PRUNE2: variants seen among roughly 807,000 people sequenced by gnomAD.
PRUNE2 encodes the protein prune homolog 2 with BCH domain.
PRUNE2 carries 164 observed loss-of-function variants against 252.0 expected under a neutral mutation model. The ratio of observed to expected loss-of-function variants is 0.65; its 90% CI spans 0.57 to 0.74. The LOEUF (loss-of-function observed/expected upper bound fraction) is 0.74, where lower values mean the gene tolerates loss of function less well. Ranked by LOEUF, PRUNE2 falls within the 30% of genes least tolerant of loss-of-function variation. The probability of loss-of-function intolerance (pLI) is 0.00; values close to 1 mark genes in which losing one functional copy is unlikely to be tolerated. For missense variants in PRUNE2, 3,495 were observed against 3,711.0 expected (o/e 0.94, Z 1.51); for synonymous variants, 1,292 against 1,350.2 (o/e 0.96, Z 0.94).
intron 1 of PRUNE2, among the ~76,000 whole-genome samples, chr9:76,859,978 A>G (rs1389999952): frequency 6.6e-6 from 1 of 152,146 alleles, no homozygotes; most frequent in African/African-American, 2.4e-5. Flanking sequence ...TGGGATTACA[A>G]GCATGAGCCA....
intron 6 of PRUNE2, among the ~76,000 whole-genome samples, chr9:76,722,362 G>A (rs1017395440): frequency 6.6e-6 from 1 of 151,526 alleles, no homozygotes; most frequent in Non-Finnish European, 1.5e-5. Context: ...GAGCCACCGC[G>A]CCCAGCCTAC....
At chr9:76,890,007 C>T (rs891385493) in intron 1 of PRUNE2, among the ~76,000 whole-genome samples, 3 of 152,230 alleles carry the variant, frequency 2.0e-5, no homozygotes, top group Non-Finnish European at 4.4e-5. Flanking sequence ...TTAAAGAGCG[C>T]TGCCGGAATG....
chr9:76,696,952 C>A (rs953251901), intron 9 of PRUNE2, among the ~76,000 whole-genome samples: 3 of 152,246 alleles, frequency 2.0e-5, no homozygotes, highest in African/African-American at 7.2e-5. Context: ...ACGCACTATT[C>A]CTTGTGAGTT....
chr9:76,726,967 G>T (rs2048154483), intron 6 of PRUNE2, among the ~76,000 whole-genome samples: 1 of 152,180 alleles, frequency 6.6e-6, no homozygotes, highest in Non-Finnish European at 1.5e-5. Flanking sequence ...TTATAGAAGG[G>T]CTCTAAGCAA....
chr9:76,707,905 A>T lies in PRUNE2; in HGVS notation c.4369T>A (p.Ser1457Thr). 6.2e-7 allele frequency: 1 copy of T among 1,613,814 alleles called. No individual in the cohort carries two copies. The highest frequency in any genetic ancestry group is 8.5e-7 in the Non-Finnish European group (1 of 1,179,822). ...TTCTCAAGATCCTTTTCAGGTACAG[A>T]TACATATTTTGTGAAATTCATCCCA... ...SDGMNFTKYV[S>T]VPEKDLEKTE... is the part of the protein sequence containing the mutation. The change falls in exon 8 of 19, where the codon TCT becomes ACT. Residue 1457 changes from serine (S) to threonine (T), a missense_variant. Transcript: ENST00000376718.
chr9:76,778,767 C>A (rs2054066415), intron 6 of PRUNE2: 1 of 152,080 alleles, frequency 6.6e-6, no homozygotes, highest in Admixed American at 6.5e-5. Context: ...AGAACAATGC[C>A]CAGATTAGTA....
intron 4 of PRUNE2, among the ~76,000 whole-genome samples, chr9:76,831,767 T>C (rs2058688481): frequency 6.6e-6 from 1 of 152,124 alleles, no homozygotes; most frequent in Non-Finnish European, 1.5e-5. Flanking sequence ...TTAAACCAGA[T>C]GTAACAGCAA....
chr9:76,637,425 C>G lies in PRUNE2; in HGVS notation c.8956G>C (p.Asp2986His). 1 of 1,613,592 alleles carries G rather than the reference C, an allele frequency of 6.2e-7. No homozygotes were observed. Among genetic ancestry groups the G allele is most frequent in the East Asian group, 2.2e-5 (1 of 44,834 alleles). Reference sequence around the variant, plus strand: ...ATAATAGAGCCCACATACCGTCTGTCAATCATCTGGTAGCATTTCTTCATC... The same window carrying G: ...ATAATAGAGCCCACATACCGTCTGTGAATCATCTGGTAGCATTTCTTCATC... ...GWMKKCYQMI[D>H]RRLRKNLKSF... The change falls in exon 14 of 19, where the codon GAC becomes CAC. Residue 2986 changes from aspartate to histidine, a missense_variant. By Grantham distance (81) the Asp-to-His change is moderately conservative. Coordinates refer to ENST00000376718, the MANE Select transcript of PRUNE2 (RefSeq NM_015225.3).
intron 3 of PRUNE2, among the ~76,000 whole-genome samples, chr9:76,847,670 CTTTTAG>C (rs2059742104): frequency 6.6e-6 from 1 of 152,062 alleles, no homozygotes; most frequent in Admixed American, 6.6e-5. Flanking sequence ...ACAGAGCTGG[CTTTTAG>C]CAAAGGCAGG....
intron 12 of PRUNE2, among the ~76,000 whole-genome samples, chr9:76,643,019 C>A (rs1843218833): frequency 6.6e-6 from 1 of 152,136 alleles, no homozygotes; most frequent in South Asian, 2.1e-4. Context: ...GAGGAGGTGG[C>A]AGGGACGGAG....
intron 1 of PRUNE2, among the ~76,000 whole-genome samples, chr9:76,877,465 C>T (rs2061538314): frequency 6.6e-6 from 1 of 151,936 alleles, no homozygotes; most frequent in Non-Finnish European, 1.5e-5. Flanking sequence ...TTGACTCCAG[C>T]CTGGGTGACA....
chr9:76,760,481 A>C (rs1040667440), intron 6 of PRUNE2, among the ~76,000 whole-genome samples: 3 of 152,114 alleles, frequency 2.0e-5, no homozygotes, highest in African/African-American at 7.2e-5. Flanking sequence ...TAATAATTCC[A>C]GGTCACATGC....
At chr9:76,803,463 T>C (rs889128330) in intron 6 of PRUNE2, among the ~76,000 whole-genome samples, 1 of 152,154 alleles carries the variant, frequency 6.6e-6, no homozygotes, top group African/African-American at 2.4e-5. Flanking sequence ...TGATCCTAGG[T>C]AAAAACTCAG....
chr9:76,647,171 G>A (rs1235044312), intron 11 of PRUNE2, among the ~76,000 whole-genome samples: 1 of 152,160 alleles, frequency 6.6e-6, no homozygotes, highest in Non-Finnish European at 1.5e-5. Context: ...GTGAGACCTT[G>A]TCTCAAAAAA....
chr9:76,748,758 A>G (rs12349206), intron 6 of PRUNE2: 33,902 of 152,182 alleles, frequency 0.22, 4,935 homozygotes, highest in East Asian at 0.49. Context: ...GTGAAGAAGT[A>G]GGGAAAGGCA....
chr9:76,722,123 A>T (rs957172651), intron 6 of PRUNE2, among the ~76,000 whole-genome samples: 7 of 151,006 alleles, frequency 4.6e-5, no homozygotes, highest in Admixed American at 2.0e-4. Context: ...CAGTGGTGTG[A>T]TCTCGGCTCA....
chr9:76,861,041 A>T (rs2060518041), intron 1 of PRUNE2, among the ~76,000 whole-genome samples: 1 of 152,192 alleles, frequency 6.6e-6, no homozygotes, highest in Non-Finnish European at 1.5e-5. Flanking sequence ...CGTGCTGCTC[A>T]CAACCCTACA....
At chr9:76,622,199 C>T (rs1176587333) in intron 17 of PRUNE2, among the ~76,000 whole-genome samples, 3 of 152,102 alleles carry the variant, frequency 2.0e-5, no homozygotes, top group Admixed American at 6.6e-5. Context: ...GTACCAGGCA[C>T]GAGCATAGTG....
chr9:76,705,077 A>G lies in PRUNE2; in HGVS notation c.7197T>C (p.Ser2399=), dbSNP rs199689823. 4.0e-5 allele frequency: 65 copies of G among 1,613,898 alleles called. No homozygotes were observed. Among genetic ancestry groups the G allele is most frequent in the Non-Finnish European group, 5.3e-5 (62 of 1,179,904 alleles). Residue 2399 remains serine (S), a synonymous_variant, in exon 8 of 19, where the codon TCT becomes TCC. Transcript: ENST00000376718. Reference sequence around the variant, plus strand: ...CACTCTGGGCAGGTTCTGTGAGATAAGACAAATCAAAGGGAGGTGTGTACG... The same window carrying G: ...CACTCTGGGCAGGTTCTGTGAGATAGGACAAATCAAAGGGAGGTGTGTACG... The part of the protein sequence containing the change: ...LAPYTPPFDL[S]YLTEPAQSAE...
Sources: allele counts gnomAD v4.1 joint callset (sites outside exome capture counted in the v4.1 genomes callset), GRCh38; gene constraint gnomAD v4.1.1; transcripts MANE v1.5; gene names NCBI Gene and HGNC (gene_info 2026-07-23, HGNC 2026-07-21).